Variants in RAB28 observed in about 807,000 individuals in gnomAD.
RAB28 encodes the protein ras-related protein Rab-28.
A neutral mutation model predicts 31.7 loss-of-function variants in RAB28; 24 were observed. The ratio of observed to expected loss-of-function variants is 0.76; its 90% CI spans 0.55 to 1.06. The LOEUF is 1.06. Among genes scored for constraint, RAB28 ranks in the 50% least tolerant of loss-of-function variants. RAB28 has a pLI of 0.00. For missense variants in RAB28, 254 were observed against 258.5 expected (o/e 0.98, Z 0.12); for synonymous variants, 100 against 90.4 (o/e 1.11, Z -0.60).
At chr4:13,470,371 A>G (rs1716065641) in intron 3 of RAB28, among the ~76,000 whole-genome samples, 1 of 152,084 alleles carries the variant, frequency 6.6e-6, no homozygotes, top group Non-Finnish European at 1.5e-5. Flanking sequence ...CTTACAGTAA[A>G]AGAGAGCAGA....
intron 4 of RAB28, among the ~76,000 whole-genome samples, chr4:13,382,244 A>G (rs1457752726): frequency 3.3e-5 from 5 of 152,166 alleles, no homozygotes; most frequent in Non-Finnish European, 4.4e-5. Flanking sequence ...AAGGCACAGT[A>G]CTCATATCCA....
At chr4:13,395,400 A>G (rs1729831555) in intron 4 of RAB28, among the ~76,000 whole-genome samples, 1 of 152,110 alleles carries the variant, frequency 6.6e-6, no homozygotes, top group Admixed American at 6.6e-5. Context: ...TTTAAAAATG[A>G]TCCATGATTA....
chr4:13,443,318 C>T (rs1714519508), intron 4 of RAB28, among the ~76,000 whole-genome samples: 1 of 152,070 alleles, frequency 6.6e-6, no homozygotes, highest in Admixed American at 6.5e-5. Context: ...GGACAACAGG[C>T]ACACAGCACC....
chr4:13,473,807 G>A (rs572514853), intron 3 of RAB28: 34 of 358,798 alleles, frequency 9.5e-5, no homozygotes, highest in Non-Finnish European at 1.4e-4. Context: ...GTAAATTATT[G>A]TATGTGTTTC....
chr4:13,433,524 AAGAC>A (rs1713932373), intron 4 of RAB28, among the ~76,000 whole-genome samples: 1 of 152,198 alleles, frequency 6.6e-6, no homozygotes, highest in Non-Finnish European at 1.5e-5. Flanking sequence ...ACACTTTCAA[AAGAC>A]AGACAAGTAG....
chr4:13,482,943 A>C (rs1430133223), intron 1 of RAB28, among the ~76,000 whole-genome samples: 1 of 152,222 alleles, frequency 6.6e-6, no homozygotes, highest in Admixed American at 6.5e-5. Context: ...CAGGGTCCGA[A>C]ATGCAACCAG....
Position 13,381,486 on chromosome 4 carries a change from C to A in RAB28, c.495+5G>T. 6.3e-7 allele frequency: 1 copy of A among 1,582,418 alleles called. No homozygotes were observed. Among genetic ancestry groups the A allele is most frequent in the Non-Finnish European group, 8.7e-7 (1 of 1,152,564 alleles). On this transcript the variant is annotated splice_donor_5th_base_variant and intron_variant, in intron 5 of 6. Coordinates refer to ENST00000330852, the MANE Select transcript of RAB28 (RefSeq NM_001017979.3). ...ATCACATACAGTATTCATTATTTTA[C>A]TTACAGAGTCTCCTGTCTTGGCTGA...
chr4:13,467,591 C>G (rs1656896192), intron 3 of RAB28, among the ~76,000 whole-genome samples: 1 of 151,752 alleles, frequency 6.6e-6, no homozygotes, highest in African/African-American at 2.4e-5. Flanking sequence ...CATTTAAACA[C>G]TAAATTTAGT....
chr4:13,421,142 A>C (rs1436588016), intron 4 of RAB28, among the ~76,000 whole-genome samples: 1 of 152,114 alleles, frequency 6.6e-6, no homozygotes, highest in African/African-American at 2.4e-5. Context: ...TCATGAGTGA[A>C]CTCCCATTCA....
At chr4:13,381,412 A>T in intron 5 of RAB28, 79 bp downstream of exon 5, 1 of 1,015,854 alleles carries the variant, frequency 9.8e-7, no homozygotes, top group Non-Finnish European at 1.5e-6. Flanking sequence ...TCCAAAAGTT[A>T]AATAGTGGAA....
chr4:13,419,012 C>T (rs946070925), intron 4 of RAB28, among the ~76,000 whole-genome samples: 3 of 151,918 alleles, frequency 2.0e-5, no homozygotes, highest in Non-Finnish European at 2.9e-5. Context: ...ACCCATCTCA[C>T]GTGCAGAGAC....
At chr4:13,375,630 T>C (rs1728888138) in intron 6 of RAB28, among the ~76,000 whole-genome samples, 1 of 152,162 alleles carries the variant, frequency 6.6e-6, no homozygotes, top group African/African-American at 2.4e-5. Context: ...TATTTGGCCA[T>C]ACCAAGTGCT....
At position 13,407,218 on chromosome 4, in the gene RAB28, T is replaced by TGCATATGGCTAGCCAGTTTTCC. The variant is rs1323945228; in HGVS notation, c.392-25646_392-25625dup. Among the ~76,000 whole-genome samples, 65 of 152,368 alleles carry TGCATATGGCTAGCCAGTTTTCC rather than the reference T, an allele frequency of 4.3e-4. 1 individual carries two copies. The highest frequency in any genetic ancestry group is 7.5e-4 in the Non-Finnish European group (51 of 68,034). ...AGGAAGAGGTCCAGTTTCAGTTTTC[T>TGCATATGGCTAGCCAGTTTTCC]GCATATGGCTAGCCAGTTTTCCCAA... On this transcript the variant is annotated intron_variant, in intron 4 of 6. Transcript: ENST00000330852.
chr4:13,425,541 C>T (rs974872531), intron 4 of RAB28, among the ~76,000 whole-genome samples: 3 of 152,076 alleles, frequency 2.0e-5, no homozygotes, highest in Non-Finnish European at 2.9e-5. Context: ...AAAGTTGTGG[C>T]TGGGTGTGTG....
chr4:13,443,167 G>A (rs914876348), intron 4 of RAB28, among the ~76,000 whole-genome samples: 1 of 151,940 alleles, frequency 6.6e-6, no homozygotes, highest in African/African-American at 2.4e-5. Flanking sequence ...AACTATGTGT[G>A]TAATATAAAT....
intron 4 of RAB28, among the ~76,000 whole-genome samples, chr4:13,427,464 T>C (rs1159332541): frequency 1.3e-5 from 2 of 149,260 alleles, no homozygotes; most frequent in Non-Finnish European, 2.9e-5. Context: ...TTTCTAGACC[T>C]ACTAAAGAGG....
intron 3 of RAB28, among the ~76,000 whole-genome samples, chr4:13,462,836 T>C (rs572557635): frequency 1.3e-5 from 2 of 152,300 alleles, no homozygotes; most frequent in East Asian, 3.9e-4. Flanking sequence ...CTCACTTTCT[T>C]ATTAAGAATA....
At chr4:13,460,664 A>G in intron 4 of RAB28, 35 bp downstream of exon 4, 2 of 1,612,994 alleles carry the variant, frequency 1.2e-6, no homozygotes, top group Non-Finnish European at 1.7e-6. Context: ...CAGCAAGTAA[A>G]CTGTACCATA....
intron 3 of RAB28, among the ~76,000 whole-genome samples, chr4:13,470,617 G>T (rs1368914606): frequency 6.6e-6 from 1 of 151,984 alleles, no homozygotes; most frequent in African/African-American, 2.4e-5. Context: ...GAAACATCCA[G>T]TCCTTCTCTG....
Sources: gnomAD v4.1 joint callset for allele counts (sites outside exome capture counted in the v4.1 genomes callset) on GRCh38, gnomAD v4.1.1 for gene constraint, MANE v1.5 for transcripts, NCBI Gene and HGNC (gene_info 2026-07-23, HGNC 2026-07-21) for gene names.